DPYSL3: variants seen among roughly 807,000 people sequenced by gnomAD.
DPYSL3 encodes dihydropyrimidinase like 3.
DPYSL3 carries 16 observed loss-of-function variants against 66.1 expected under a neutral mutation model. The ratio of observed to expected loss-of-function variants is 0.24; its 90% CI spans 0.16 to 0.37. DPYSL3 has a LOEUF of 0.37. Among genes scored for constraint, DPYSL3 ranks in the 10% least tolerant of loss-of-function variants. DPYSL3 has a pLI of 1.00. For missense variants in DPYSL3, 738 were observed against 916.2 expected (o/e 0.81, Z 2.51); for synonymous variants, 338 against 345.1 (o/e 0.98, Z 0.23).
intron 1 of DPYSL3, among the ~76,000 whole-genome samples, chr5:147,437,015 C>T (rs975084017): frequency 5.3e-5 from 8 of 152,118 alleles, no homozygotes; most frequent in East Asian, 1.9e-4. Context: ...GTTAATGCCA[C>T]GCTGAAAATG....
chr5:147,447,280 G>A (rs1455999813), intron 1 of DPYSL3, among the ~76,000 whole-genome samples: 1 of 152,134 alleles, frequency 6.6e-6, no homozygotes, highest in East Asian at 1.9e-4. Context: ...CTTCATGTAG[G>A]GACTGGAACC....
In DPYSL3 at chr5:147,395,633, C is replaced by T. The variant is rs1803521; in HGVS notation, c.1892G>A (p.Gly631Asp). 6.2e-7 allele frequency: 1 copy of T among 1,614,112 alleles called. No individual in the cohort carries two copies. The highest frequency in any genetic ancestry group is 8.5e-7 in the Non-Finnish European group (1 of 1,180,038). ...TTTPKGGTPAGSARGSPTRPN... is the reference protein window; with the variant it reads ...TTTPKGGTPADSARGSPTRPN... ...CCGAGTAGGAGAGCCCCGAGCAGAG[C>T]CTGCGGGGGTGCCACCTTTGGGGGT... Residue 631 changes from glycine (G) to aspartate (D), a missense_variant, in exon 13 of 14, where the codon GGC becomes GAC. Transcript: ENST00000343218.
rs532468921 is a variant in DPYSL3 at position 147,414,042 on chromosome 5, T to C, written c.821-385A>G. On this transcript the variant is annotated intron_variant, in intron 4 of 13. Coordinates refer to ENST00000343218, the MANE Select transcript of DPYSL3 (RefSeq NM_001197294.2). ...GGCTGCACCACTGAAATCCACCACA[T>C]ACTAGTTCAGTGAGCTTGGGATACT... Among the ~76,000 whole-genome samples the C allele has an allele frequency of 1.4e-4, 21 of 152,342 alleles. No homozygotes were observed. The South Asian group carries it at 4.4e-3, about 32-fold the overall frequency.
At chr5:147,489,562 T>G (rs1395159651) in intron 1 of DPYSL3, among the ~76,000 whole-genome samples, 1 of 152,172 alleles carries the variant, frequency 6.6e-6, no homozygotes, top group Non-Finnish European at 1.5e-5. Context: ...AAATAAGTAC[T>G]CCATAAATGT....
chr5:147,428,900 A>G (rs1394111118), intron 1 of DPYSL3, among the ~76,000 whole-genome samples: 1 of 152,174 alleles, frequency 6.6e-6, no homozygotes, highest in Non-Finnish European at 1.5e-5. Flanking sequence ...GCAAACCACC[A>G]TGGCACATGT....
At chr5:147,423,076 T>C (rs1292296806) in intron 2 of DPYSL3, among the ~76,000 whole-genome samples, 1 of 152,228 alleles carries the variant, frequency 6.6e-6, no homozygotes, top group Non-Finnish European at 1.5e-5. Context: ...AAGCATTTGG[T>C]AACAAATTTT....
intron 1 of DPYSL3, among the ~76,000 whole-genome samples, chr5:147,491,779 A>G (rs371100659): frequency 7.2e-5 from 11 of 152,244 alleles, no homozygotes; most frequent in African/African-American, 2.4e-4. Flanking sequence ...AAAAGACCAA[A>G]ACAGAATATC....
At chr5:147,472,095 T>C (rs1300323108) in intron 1 of DPYSL3, among the ~76,000 whole-genome samples, 2 of 152,184 alleles carry the variant, frequency 1.3e-5, no homozygotes, top group Admixed American at 1.3e-4. Context: ...GGCTTGCCCA[T>C]GGCCAACACT....
intron 1 of DPYSL3, among the ~76,000 whole-genome samples, chr5:147,468,582 CTG>C (rs1442623769): frequency 6.6e-6 from 1 of 152,162 alleles, no homozygotes; most frequent in Admixed American, 6.5e-5. Flanking sequence ...ACTTAACTCT[CTG>C]TGACTGTAAA....
intron 1 of DPYSL3, among the ~76,000 whole-genome samples, chr5:147,425,640 T>C (rs1752180688): frequency 6.6e-6 from 1 of 152,234 alleles, no homozygotes; most frequent in Non-Finnish European, 1.5e-5. Context: ...TGCATTTCTT[T>C]ATTGCTTTAA....
At chr5:147,453,842 G>T in intron 1 of DPYSL3, 1 of 990,760 alleles carries the variant, frequency 1.0e-6, no homozygotes, top group Non-Finnish European at 1.3e-6. Context: ...TCACGCCCGG[G>T]TTTTGTTTTT....
At chr5:147,484,936 A>G (rs1236741763) in intron 1 of DPYSL3, among the ~76,000 whole-genome samples, 2 of 152,192 alleles carry the variant, frequency 1.3e-5, no homozygotes, top group East Asian at 3.8e-4. Flanking sequence ...AAACCCCTCC[A>G]TTTAGAGTTT....
chr5:147,495,935 T>G (rs1753499774), intron 1 of DPYSL3, among the ~76,000 whole-genome samples: 1 of 152,110 alleles, frequency 6.6e-6, no homozygotes, highest in Non-Finnish European at 1.5e-5. Context: ...GAGCCCGCAT[T>G]GCCAAGTCAA....
At chr5:147,419,477 G>C (rs1367209539) in intron 2 of DPYSL3, among the ~76,000 whole-genome samples, 4 of 152,186 alleles carry the variant, frequency 2.6e-5, no homozygotes, top group Non-Finnish European at 5.9e-5. Flanking sequence ...GCTGCTTATA[G>C]ATCAGCCAGT....
At chr5:147,480,732 A>ATTG (rs1753226340) in intron 1 of DPYSL3, among the ~76,000 whole-genome samples, 1 of 148,396 alleles carries the variant, frequency 6.7e-6, no homozygotes, top group African/African-American at 2.5e-5. Context: ...TATTATTATT[A>ATTG]TTATTATGAG....
At chr5:147,412,433 A>C (rs1367534912) in intron 6 of DPYSL3, among the ~76,000 whole-genome samples, 175 bp downstream of exon 6, 1 of 150,736 alleles carries the variant, frequency 6.6e-6, no homozygotes, top group Non-Finnish European at 1.5e-5. Context: ...GCTTGTCTAC[A>C]TTCCCCTCTG....
At chr5:147,453,522 G>A (rs768899456) in intron 1 of DPYSL3, 2 of 1,522,670 alleles carry the variant, frequency 1.3e-6, no homozygotes, top group Non-Finnish European at 1.8e-6. Context: ...GAGCGAGGAG[G>A]GAGGGAGCAG....
chr5:147,448,328 C>T (rs575676997), intron 1 of DPYSL3, among the ~76,000 whole-genome samples: 4 of 152,218 alleles, frequency 2.6e-5, no homozygotes, highest in African/African-American at 7.2e-5. Flanking sequence ...AGTTCAAAGG[C>T]GGTCTAATGG....
intron 8 of DPYSL3, among the ~76,000 whole-genome samples, chr5:147,402,289 G>A (rs1488552177): frequency 1.3e-5 from 2 of 151,682 alleles, no homozygotes; most frequent in Non-Finnish European, 2.9e-5. Flanking sequence ...ATAATGATAT[G>A]CTTTGGTTCC....
Sources: gnomAD v4.1 joint callset for allele counts (sites outside exome capture counted in the v4.1 genomes callset) on GRCh38, gnomAD v4.1.1 for gene constraint, MANE v1.5 for transcripts, NCBI Gene and HGNC (gene_info 2026-07-23, HGNC 2026-07-21) for gene names.